Variants in PGCKA1 observed in about 807,000 individuals in gnomAD.
PGCKA1 encodes the protein PDCD10 and GCKIII kinases associated 1.
At chr4:37,577,995 G>C in the PGCKA1 span, among the ~76,000 whole-genome samples, 1 of 152,144 alleles carries the variant, frequency 6.6e-6, no homozygotes, top group South Asian at 2.1e-4. Flanking sequence ...AATAGTCCAT[G>C]TGCTGAGGAA....
the PGCKA1 span, among the ~76,000 whole-genome samples, chr4:37,564,175 G>A: frequency 1.3e-5 from 2 of 151,428 alleles, no homozygotes; most frequent in East Asian, 3.9e-4. Flanking sequence ...TCAGGAGGCT[G>A]AGGCAGGAGA....
At chr4:37,506,422 C>T in the PGCKA1 span, among the ~76,000 whole-genome samples, 5 of 151,842 alleles carry the variant, frequency 3.3e-5, no homozygotes, top group South Asian at 1.0e-3. Context: ...ATAAACTTTC[C>T]TCAAAGTATT....
the PGCKA1 span, chr4:37,584,498 T>C: frequency 6.6e-6 from 1 of 152,310 alleles, no homozygotes; most frequent in African/African-American, 2.4e-5. Context: ...CACCACAACA[T>C]CCTTTGTAAT....
chr4:37,564,304 C>A, the PGCKA1 span, among the ~76,000 whole-genome samples: 63,863 of 135,252 alleles, frequency 0.47, 15,471 homozygotes, highest in East Asian at 0.59. Context: ...AGAAAAAAAA[C>A]CGAATATTCT....
At chr4:37,549,208 C>T in the PGCKA1 span, among the ~76,000 whole-genome samples, 1 of 152,196 alleles carries the variant, frequency 6.6e-6, no homozygotes, top group Non-Finnish European at 1.5e-5. Flanking sequence ...ATTAGTCAGC[C>T]CTTGTTCATC....
the PGCKA1 span, among the ~76,000 whole-genome samples, chr4:37,498,115 TCCTCCTACATGTGGCTAG>T: frequency 1.3e-5 from 2 of 152,158 alleles, no homozygotes; most frequent in Non-Finnish European, 2.9e-5. Flanking sequence ...TCCAGTGTCA[TCCTCCTACATGTGGCTAG>T]CCAATTATCC....
At chr4:37,570,637 T>C in the PGCKA1 span, among the ~76,000 whole-genome samples, 5 of 152,214 alleles carry the variant, frequency 3.3e-5, no homozygotes, top group Non-Finnish European at 7.3e-5. Context: ...ATTTGTCTAC[T>C]TCGCCTTCTG....
chr4:37,566,322 C>T, the PGCKA1 span, among the ~76,000 whole-genome samples: 2 of 151,838 alleles, frequency 1.3e-5, no homozygotes, highest in African/African-American at 4.8e-5. Context: ...ACTCCATCAC[C>T]CAGGCTGGAG....
the PGCKA1 span, among the ~76,000 whole-genome samples, chr4:37,507,200 C>T: frequency 6.6e-6 from 1 of 151,972 alleles, no homozygotes; most frequent in Non-Finnish European, 1.5e-5. Flanking sequence ...TTCTTATAGG[C>T]AACAGATAAT....
At chr4:37,544,277 A>G in the PGCKA1 span, among the ~76,000 whole-genome samples, 5 of 152,050 alleles carry the variant, frequency 3.3e-5, no homozygotes, top group Admixed American at 3.3e-4. Context: ...CTGGATCTTT[A>G]CTTTTATCCT....
the PGCKA1 span, among the ~76,000 whole-genome samples, chr4:37,494,643 TA>T: frequency 6.6e-6 from 1 of 152,228 alleles, no homozygotes; most frequent in Non-Finnish European, 1.5e-5. Context: ...ATATACCCAG[TA>T]ATGGGACTCC....
chr4:37,526,844 G>C, the PGCKA1 span, among the ~76,000 whole-genome samples: 13 of 152,072 alleles, frequency 8.5e-5, no homozygotes, highest in African/African-American at 2.4e-4. Flanking sequence ...TTATTTGAGA[G>C]AGTACATCTT....
At chr4:37,463,357 G>A in the PGCKA1 span, among the ~76,000 whole-genome samples, 1 of 152,178 alleles carries the variant, frequency 6.6e-6, no homozygotes, top group African/African-American at 2.4e-5. Context: ...TAATAAAACA[G>A]AGTTAATTGG....
At chr4:37,520,290 A>G in the PGCKA1 span, among the ~76,000 whole-genome samples, 4 of 152,194 alleles carry the variant, frequency 2.6e-5, no homozygotes, top group Non-Finnish European at 5.9e-5. Flanking sequence ...GTTTGGAAGT[A>G]TTCCCTTCTG....
chr4:37,540,223 A>G, the PGCKA1 span, among the ~76,000 whole-genome samples: 2 of 152,236 alleles, frequency 1.3e-5, no homozygotes, highest in African/African-American at 2.4e-5. Flanking sequence ...ATAATTATAT[A>G]TGTTTTAATG....
the PGCKA1 span, among the ~76,000 whole-genome samples, chr4:37,564,502 T>TA: frequency 3.4e-5 from 4 of 116,978 alleles, no homozygotes; most frequent in Non-Finnish European, 7.9e-5. Context: ...GTGTCTGACT[T>TA]TTTTATTTAT....
chr4:37,503,058 C>T, the PGCKA1 span, among the ~76,000 whole-genome samples: 1 of 152,160 alleles, frequency 6.6e-6, no homozygotes, highest in African/African-American at 2.4e-5. Context: ...TACAGATGCT[C>T]CCACACCAAA....
At chr4:37,572,238 A>AT in the PGCKA1 span, among the ~76,000 whole-genome samples, 171 of 145,776 alleles carry the variant, frequency 1.2e-3, no homozygotes, top group Admixed American at 3.5e-3. Context: ...AATTTTTTGT[A>AT]TTTTTTTTTA....
At chr4:37,482,221 C>T in the PGCKA1 span, among the ~76,000 whole-genome samples, 3 of 152,108 alleles carry the variant, frequency 2.0e-5, no homozygotes, top group Non-Finnish European at 2.9e-5. Context: ...AACAGGCAGA[C>T]GTTGGAACAG....
Sources: gnomAD v4.1 joint callset for allele counts (sites outside exome capture counted in the v4.1 genomes callset) on GRCh38, gnomAD v4.1.1 for gene constraint, MANE v1.5 for transcripts, NCBI Gene and HGNC (gene_info 2026-07-23, HGNC 2026-07-21) for gene names.